ILDR1: variants seen among roughly 807,000 people sequenced by gnomAD.
The protein encoded by ILDR1 is immunoglobulin like domain containing receptor 1, also known as immunoglobulin-like domain-containing receptor 1.
In ILDR1, 56 loss-of-function variants were observed where a neutral mutation model predicts 62.4. That is an observed-to-expected ratio of 0.90 (90% CI 0.72 to 1.12). ILDR1 has a LOEUF of 1.12. ILDR1 is among the 50% of genes most tolerant of loss of function. The probability of loss-of-function intolerance (pLI) is 0.00; values close to 1 mark genes in which losing one functional copy is unlikely to be tolerated. For missense variants in ILDR1, 736 were observed against 710.6 expected (o/e 1.04, Z -0.41); for synonymous variants, 284 against 277.8 (o/e 1.02, Z -0.22).
chr3:122,050,902 A>G, the ILDR1 span, among the ~76,000 whole-genome samples: 12,960 of 152,228 alleles, frequency 0.085, 597 homozygotes, highest in African/African-American at 0.098. Flanking sequence ...TAGTTTTGCC[A>G]GAGAGAGTAT....
chr3:121,998,225 G>C (rs773254003), intron 5 of ILDR1, among the ~76,000 whole-genome samples: 24 of 152,104 alleles, frequency 1.6e-4, no homozygotes, highest in Non-Finnish European at 2.6e-4. Flanking sequence ...ACTCCTACCA[G>C]CTTCATCACT....
the ILDR1 span, among the ~76,000 whole-genome samples, chr3:122,059,203 A>G: frequency 1.3e-5 from 2 of 152,156 alleles, no homozygotes; most frequent in African/African-American, 2.4e-5. Flanking sequence ...TCTTCTGCAT[A>G]AGTATGGTTG....
At chr3:122,059,003 CAA>C in the ILDR1 span, among the ~76,000 whole-genome samples, 6 of 152,030 alleles carry the variant, frequency 3.9e-5, no homozygotes, top group Admixed American at 3.9e-4. Context: ...GCATCCTTCA[CAA>C]AATGGAAGGT....
At chr3:122,034,439 T>A in the ILDR1 span, among the ~76,000 whole-genome samples, 1 of 152,092 alleles carries the variant, frequency 6.6e-6, no homozygotes, top group African/African-American at 2.4e-5. Flanking sequence ...GGGCAAAAAT[T>A]CAACAAAATC....
the ILDR1 span, among the ~76,000 whole-genome samples, chr3:122,044,473 A>G: frequency 6.7e-6 from 1 of 148,458 alleles, no homozygotes; most frequent in East Asian, 1.9e-4. Flanking sequence ...TATTGATTGG[A>G]ATAGTTTCAG....
chr3:121,998,741 C>T (rs2071474088), intron 5 of ILDR1, among the ~76,000 whole-genome samples: 1 of 152,118 alleles, frequency 6.6e-6, no homozygotes, highest in Non-Finnish European at 1.5e-5. Context: ...TTCTCCATGG[C>T]CTCCTCCCTA....
intron 3 of ILDR1, 33 bp downstream of exon 3, chr3:122,005,211 C>CCCCCCGTT: frequency 8.1e-7 from 1 of 1,240,080 alleles, no homozygotes; most frequent in Non-Finnish European, 1.2e-6. Context: ...CTCCCCCCAC[C>CCCCCCGTT]CCCAGTTCCC....
At chr3:121,998,558 C>T (rs765026965) in intron 5 of ILDR1, among the ~76,000 whole-genome samples, 15 of 152,174 alleles carry the variant, frequency 9.9e-5, no homozygotes, top group Non-Finnish European at 1.3e-4. Flanking sequence ...ACAACTCTCC[C>T]GCAGAACCTC....
At chr3:122,043,099 G>A in the ILDR1 span, among the ~76,000 whole-genome samples, 22 of 136,324 alleles carry the variant, frequency 1.6e-4, no homozygotes, top group Non-Finnish European at 3.1e-4. Flanking sequence ...TGTATAAGGT[G>A]TAAGGAAGGG....
At chr3:121,990,276 A>G (rs1406589234) in intron 7 of ILDR1, among the ~76,000 whole-genome samples, 1 of 152,242 alleles carries the variant, frequency 6.6e-6, no homozygotes, top group African/African-American at 2.4e-5. Context: ...AAAACAAACT[A>G]AACACAGTGC....
the ILDR1 span, among the ~76,000 whole-genome samples, chr3:122,041,610 T>C: frequency 6.6e-6 from 1 of 152,230 alleles, no homozygotes; most frequent in Admixed American, 6.5e-5. Context: ...TTTCAGCATA[T>C]AGGTCTTTTA....
rs200363593 is a variant in ILDR1 at position 122,007,167 on chromosome 3, G to A, written c.59-6C>T. On this transcript the variant is annotated splice_region_variant and splice_polypyrimidine_tract_variant and intron_variant, in intron 1 of 7. Transcript: ENST00000344209. ...CACAAGCAAGGACAGGCACCCTAAA[G>A]CCAAGAGCAGGAGAAAATGCTGAAG... 3 of 1,614,158 alleles carry A rather than the reference G, an allele frequency of 1.9e-6. No individual in the cohort carries two copies. The East Asian group carries it at 6.7e-5, about 36-fold the overall frequency.
chr3:121,994,985 G>A (rs1487429069), intron 5 of ILDR1, among the ~76,000 whole-genome samples: 2 of 152,148 alleles, frequency 1.3e-5, no homozygotes, highest in Non-Finnish European at 2.9e-5. Flanking sequence ...ATTTCTCAGG[G>A]GTGGGGTGGA....
At chr3:122,045,749 T>C in the ILDR1 span, among the ~76,000 whole-genome samples, 1 of 149,040 alleles carries the variant, frequency 6.7e-6, no homozygotes, top group Admixed American at 6.7e-5. Context: ...ACCCCTGCAT[T>C]TTTTTGTTTT....
At chr3:122,033,935 C>G in the ILDR1 span, among the ~76,000 whole-genome samples, 1 of 152,124 alleles carries the variant, frequency 6.6e-6, no homozygotes, top group Non-Finnish European at 1.5e-5. Flanking sequence ...CCTCATTTTT[C>G]TTCTTTAAGA....
chr3:121,998,888 T>C (rs1352747919), intron 5 of ILDR1, among the ~76,000 whole-genome samples: 1 of 152,204 alleles, frequency 6.6e-6, no homozygotes, highest in East Asian at 1.9e-4. Context: ...GAATGCAGAC[T>C]CTCACAAGTC....
At chr3:122,045,262 A>T in the ILDR1 span, among the ~76,000 whole-genome samples, 1 of 148,364 alleles carries the variant, frequency 6.7e-6, no homozygotes, top group Non-Finnish European at 1.5e-5. Context: ...TTCTAGTTTG[A>T]TTGCACTGTG....
upstream of ILDR1, among the ~76,000 whole-genome samples, chr3:122,023,298 C>T (rs573344798): frequency 1.3e-5 from 2 of 152,220 alleles, no homozygotes; most frequent in Non-Finnish European, 2.9e-5. Context: ...TGACCTTTTG[C>T]TTTGCAAAGA....
At chr3:121,995,758 G>T (rs1312810522) in intron 5 of ILDR1, among the ~76,000 whole-genome samples, 1 of 152,122 alleles carries the variant, frequency 6.6e-6, no homozygotes, top group Non-Finnish European at 1.5e-5. Flanking sequence ...ATACTGGAAT[G>T]CCCAGCCTTA....
Sources: gnomAD v4.1 joint callset for allele counts (sites outside exome capture counted in the v4.1 genomes callset) on GRCh38, gnomAD v4.1.1 for gene constraint, MANE v1.5 for transcripts, NCBI Gene and HGNC (gene_info 2026-07-23, HGNC 2026-07-21) for gene names.